NUBPL: variants seen among roughly 807,000 people sequenced by gnomAD.
NUBPL encodes NUBP iron-sulfur cluster assembly factor, mitochondrial, also known as iron-sulfur cluster transfer protein NUBPL.
Under a neutral mutation model 45.7 loss-of-function variants are expected in NUBPL, and 31 were observed. The observed-to-expected ratio is 0.68, with a 90% confidence interval of 0.51 to 0.92. NUBPL has a LOEUF of 0.92. Ranked by LOEUF, NUBPL falls within the 40% of genes least tolerant of loss-of-function variation. NUBPL has a pLI of 0.00. For missense variants in NUBPL, 401 were observed against 398.7 expected, an observed-to-expected ratio of 1.01 and a Z score of -0.05; for synonymous variants, 144 against 140.9, an observed-to-expected ratio of 1.02 and a Z score of -0.15.
chr14:31,758,656 A>T (rs1264280283), intron 6 of NUBPL, among the ~76,000 whole-genome samples: 2 of 152,178 alleles, frequency 1.3e-5, no homozygotes, highest in East Asian at 1.9e-4. Flanking sequence ...TCTCCCATCA[A>T]AAAGGAACTG....
intron 7 of NUBPL, among the ~76,000 whole-genome samples, chr14:31,791,105 C>T (rs2039373850): frequency 6.7e-6 from 1 of 150,222 alleles, no homozygotes; most frequent in Non-Finnish European, 1.5e-5. Flanking sequence ...CCTATCTGTA[C>T]AAAAGAATAT....
At chr14:31,654,867 C>T (rs2036104268) in intron 4 of NUBPL, among the ~76,000 whole-genome samples, 1 of 152,248 alleles carries the variant, frequency 6.6e-6, no homozygotes, top group African/African-American at 2.4e-5. Flanking sequence ...AGCCCTGTCA[C>T]TGCTTTATCA....
At chr14:31,606,777 G>T (rs898367715) in intron 4 of NUBPL, among the ~76,000 whole-genome samples, 1 of 152,114 alleles carries the variant, frequency 6.6e-6, no homozygotes, top group Non-Finnish European at 1.5e-5. Context: ...GTTGTCCAAG[G>T]TTTTGATGGG....
At chr14:31,835,718 T>A (rs1324854730) in intron 8 of NUBPL, among the ~76,000 whole-genome samples, 1 of 152,196 alleles carries the variant, frequency 6.6e-6, no homozygotes, top group Non-Finnish European at 1.5e-5. Context: ...GTTCTTTCCA[T>A]GTCAAATGAC....
chr14:31,567,711 G>GCTT (rs2033474325), intron 3 of NUBPL, among the ~76,000 whole-genome samples: 1 of 152,154 alleles, frequency 6.6e-6, no homozygotes, highest in Non-Finnish European at 1.5e-5. Flanking sequence ...TTAATAAAAA[G>GCTT]TGTTTTTCTT....
Position 31,665,865 on chromosome 14 carries a change from A to G in NUBPL, c.383-7490A>G, listed in dbSNP as rs139314689. On this transcript the variant is annotated intron_variant, in intron 4 of 10. Coordinates refer to ENST00000281081, the MANE Select transcript of NUBPL (RefSeq NM_025152.3). ...TCCCACTATTACTGTGGGGGAGTCTAAGTCTCTTTGTAGGTCTCTAAGAAC... is the reference window on the plus strand; with the variant it reads ...TCCCACTATTACTGTGGGGGAGTCTGAGTCTCTTTGTAGGTCTCTAAGAAC... 1.1e-4 allele frequency among the ~76,000 whole-genome samples: 16 copies of G among 152,184 alleles called. No individual in the cohort carries two copies. The East Asian group carries it at 3.1e-3, about 30-fold the overall frequency.
intron 4 of NUBPL, among the ~76,000 whole-genome samples, chr14:31,600,653 G>A (rs1189930026): frequency 1.3e-5 from 2 of 152,124 alleles, no homozygotes. Flanking sequence ...CCGGATATTA[G>A]CCCTTTGTCA....
chr14:31,757,066 G>C (rs1595588580), intron 6 of NUBPL, among the ~76,000 whole-genome samples: 1 of 152,024 alleles, frequency 6.6e-6, no homozygotes, highest in African/African-American at 2.4e-5. Flanking sequence ...TGATTATGGT[G>C]AATAAGCTTT....
At chr14:31,676,281 C>T (rs763212049) in intron 6 of NUBPL, among the ~76,000 whole-genome samples, 1 of 151,930 alleles carries the variant, frequency 6.6e-6, no homozygotes, top group African/African-American at 2.4e-5. Flanking sequence ...TCTCGGTCTC[C>T]CAAAGTGCTG....
At chr14:31,799,238 C>CA (rs560456119) in intron 7 of NUBPL, among the ~76,000 whole-genome samples, 83 of 151,964 alleles carry the variant, frequency 5.5e-4, no homozygotes, top group South Asian at 3.7e-3. Context: ...CCCACACACA[C>CA]AAAAAAATCC....
chr14:31,717,463 C>T (rs1480771704), intron 6 of NUBPL, among the ~76,000 whole-genome samples: 1 of 152,190 alleles, frequency 6.6e-6, no homozygotes, highest in East Asian at 1.9e-4. Context: ...TTTTCCCTAC[C>T]TCTACCTGGT....
chr14:31,645,626 T>G (rs1475127361), intron 4 of NUBPL, among the ~76,000 whole-genome samples: 1 of 152,192 alleles, frequency 6.6e-6, no homozygotes, highest in East Asian at 1.9e-4. Context: ...TAATATTAGT[T>G]TATTTATTAT....
intron 4 of NUBPL, among the ~76,000 whole-genome samples, chr14:31,619,422 C>T (rs1427450994): frequency 6.6e-6 from 1 of 152,168 alleles, no homozygotes; most frequent in African/African-American, 2.4e-5. Flanking sequence ...GTGGCTGTTA[C>T]CAGTGATTCC....
chr14:31,617,797 A>G (rs2034948492), intron 4 of NUBPL, among the ~76,000 whole-genome samples: 1 of 152,148 alleles, frequency 6.6e-6, no homozygotes, highest in African/African-American at 2.4e-5. Context: ...TCATAAAATG[A>G]ATTAGGGAGG....
At chr14:31,774,115 C>G (rs1456668662) in intron 6 of NUBPL, among the ~76,000 whole-genome samples, 1 of 152,228 alleles carries the variant, frequency 6.6e-6, no homozygotes, top group Non-Finnish European at 1.5e-5. Flanking sequence ...TCCAGCAGAG[C>G]TCTCTGTCTT....
chr14:31,622,862 C>T (rs1202689511), intron 4 of NUBPL, among the ~76,000 whole-genome samples: 2 of 152,198 alleles, frequency 1.3e-5, no homozygotes, highest in Non-Finnish European at 2.9e-5. Flanking sequence ...AGATTGGAGC[C>T]CCCACAGAGT....
intron 6 of NUBPL, among the ~76,000 whole-genome samples, chr14:31,773,238 G>A (rs1362105248): frequency 6.6e-6 from 1 of 152,092 alleles, no homozygotes; most frequent in African/African-American, 2.4e-5. Flanking sequence ...CAAAACACAT[G>A]CCTCAGATGT....
intron 7 of NUBPL, among the ~76,000 whole-genome samples, chr14:31,811,118 G>A (rs910341687): frequency 2.0e-5 from 3 of 152,116 alleles, no homozygotes; most frequent in African/African-American, 7.2e-5. Context: ...TTTTCAAGGA[G>A]TATATTTGTG....
At chr14:31,629,198 A>G (rs1000355784) in intron 4 of NUBPL, among the ~76,000 whole-genome samples, 2 of 152,192 alleles carry the variant, frequency 1.3e-5, no homozygotes, top group Admixed American at 1.3e-4. Context: ...TCTTTAATCA[A>G]AAGTCAGAAT....
Sources: gnomAD v4.1 joint callset for allele counts (sites outside exome capture counted in the v4.1 genomes callset) on GRCh38, gnomAD v4.1.1 for gene constraint, MANE v1.5 for transcripts, NCBI Gene and HGNC (gene_info 2026-07-23, HGNC 2026-07-21) for gene names.